The following ANKS1B variants were observed in gnomAD, a reference collection of about 807,000 sequenced individuals.
The protein encoded by ANKS1B is ankyrin repeat and sterile alpha motif domain-containing protein 1B.
Under a neutral mutation model 148.3 loss-of-function variants are expected in ANKS1B, and 36 were observed. That is an observed-to-expected ratio of 0.24 (90% confidence interval 0.19 to 0.32). The LOEUF (loss-of-function observed/expected upper bound fraction) is 0.32. Among genes scored for constraint, ANKS1B ranks in the 10% least tolerant of loss-of-function variants. The pLI, the probability that ANKS1B is intolerant of heterozygous loss-of-function variation, is 1.00. For missense variants in ANKS1B, 1,157 were observed against 1,542.6 expected, an observed-to-expected ratio of 0.75 and a Z score of 4.19; for synonymous variants, 542 against 560.8, an observed-to-expected ratio of 0.97 and a Z score of 0.47.
At chr12:99,526,722 G>C (rs990367182) in intron 9 of ANKS1B, among the ~76,000 whole-genome samples, 1 of 152,108 alleles carries the variant, frequency 6.6e-6, no homozygotes, top group Non-Finnish European at 1.5e-5. Flanking sequence ...CAACAACAAA[G>C]TTCTGAGAAA....
At chr12:99,915,024 A>G (rs2094127985) in intron 1 of ANKS1B, among the ~76,000 whole-genome samples, 5 of 151,958 alleles carry the variant, frequency 3.3e-5, no homozygotes, top group Admixed American at 3.3e-4. Flanking sequence ...TCAGGAGTTC[A>G]AGACCAACTT....
intron 1 of ANKS1B, among the ~76,000 whole-genome samples, chr12:99,829,897 CAAAG>C (rs2083717428): frequency 1.3e-5 from 2 of 151,982 alleles, no homozygotes; most frequent in Non-Finnish European, 2.9e-5. Context: ...AAAAAAAAGA[CAAAG>C]AAATAACTGA....
chr12:99,670,872 A>G (rs1021174270), intron 8 of ANKS1B, among the ~76,000 whole-genome samples: 8 of 152,140 alleles, frequency 5.3e-5, no homozygotes, highest in Admixed American at 3.3e-4. Flanking sequence ...CAAATGAGCT[A>G]TTAGGAAAGG....
intron 10 of ANKS1B, among the ~76,000 whole-genome samples, chr12:99,464,929 G>A (rs960927416): frequency 2.0e-5 from 3 of 152,108 alleles, no homozygotes; most frequent in African/African-American, 7.2e-5. Flanking sequence ...TCAGATTCAG[G>A]AAATACAGAG....
chr12:99,400,902 C>T (rs1413117316), intron 11 of ANKS1B, among the ~76,000 whole-genome samples: 2 of 144,980 alleles, frequency 1.4e-5, no homozygotes, highest in Non-Finnish European at 3.0e-5. Context: ...GCTGTCTCTT[C>T]CAGCTTATCA....
At chr12:99,333,662 C>G (rs1350152356) in intron 12 of ANKS1B, among the ~76,000 whole-genome samples, 1 of 151,908 alleles carries the variant, frequency 6.6e-6, no homozygotes, top group Admixed American at 6.6e-5. Context: ...CTCTATTTGC[C>G]TCTTTGGTTG....
intron 12 of ANKS1B, 131 bp from the exon 13 acceptor site, chr12:99,246,995 A>G: frequency 1.9e-5 from 14 of 720,802 alleles, no homozygotes; most frequent in Non-Finnish European, 6.9e-6. Flanking sequence ...CCTTCACTTT[A>G]TGAAATACCC....
chr12:98,817,823 G>T (rs1019420400), intron 19 of ANKS1B, among the ~76,000 whole-genome samples: 3 of 152,086 alleles, frequency 2.0e-5, no homozygotes, highest in African/African-American at 7.2e-5. Flanking sequence ...CTTTCTGAAG[G>T]GCAATCCTTC....
At chr12:99,731,748 A>G (rs1432486568) in intron 8 of ANKS1B, among the ~76,000 whole-genome samples, 2 of 152,190 alleles carry the variant, frequency 1.3e-5, no homozygotes, top group Non-Finnish European at 2.9e-5. Context: ...ATTTTGGGAT[A>G]GGCAAAGATA....
At chr12:99,810,913 C>G (rs939075874) in intron 3 of ANKS1B, among the ~76,000 whole-genome samples, 1 of 151,840 alleles carries the variant, frequency 6.6e-6, no homozygotes, top group Non-Finnish European at 1.5e-5. Context: ...CATAAATGAT[C>G]TAACTGTTGG....
chr12:99,001,372 T>A (rs2099932918), intron 17 of ANKS1B, among the ~76,000 whole-genome samples: 1 of 152,104 alleles, frequency 6.6e-6, no homozygotes, highest in Non-Finnish European at 1.5e-5. Flanking sequence ...GAAGCGATCC[T>A]CCTGTCTCAG....
At chr12:99,697,313 C>G (rs1184969980) in intron 8 of ANKS1B, among the ~76,000 whole-genome samples, 2 of 152,074 alleles carry the variant, frequency 1.3e-5, no homozygotes, top group African/African-American at 4.8e-5. Flanking sequence ...TTCATAATTA[C>G]CCAAACTTGG....
At chr12:98,950,663 A>G (rs1031369769) in intron 17 of ANKS1B, among the ~76,000 whole-genome samples, 6 of 152,186 alleles carry the variant, frequency 3.9e-5, no homozygotes, top group Non-Finnish European at 8.8e-5. Context: ...TTTACCAATG[A>G]AAATAACCCC....
rs12581942 is a variant in ANKS1B, at chr12:99,523,357, G to T, written c.1273-18716C>A. ...ACAAACATTTAAAAGGTAAAATAGT[G>T]ATTAGAATTGTTATCTATCTCTAAG... On this transcript the variant is annotated intron_variant, in intron 9 of 26. Coordinates refer to ENST00000683438, the MANE Select transcript of ANKS1B (RefSeq NM_001352186.2). Among the ~76,000 whole-genome samples the T allele has an allele frequency of 1.2e-3, 188 of 152,282 alleles. 6 individuals carry two copies. The East Asian group carries it at 0.035, about 28-fold the overall frequency.
At chr12:98,839,124 G>A (rs74800059) in intron 17 of ANKS1B, among the ~76,000 whole-genome samples, 5,339 of 152,164 alleles carry the variant, frequency 0.035, 293 homozygotes, top group African/African-American at 0.12. Flanking sequence ...CATGACATTT[G>A]GTTCTTCTCT....
At chr12:99,787,290 T>TA (rs2065109496) in intron 4 of ANKS1B, among the ~76,000 whole-genome samples, 1 of 152,172 alleles carries the variant, frequency 6.6e-6, no homozygotes, top group South Asian at 2.1e-4. Context: ...TCACAAGATC[T>TA]AATGGTTTTA....
intron 1 of ANKS1B, among the ~76,000 whole-genome samples, chr12:99,946,289 G>C (rs916047785): frequency 2.0e-5 from 3 of 152,152 alleles, no homozygotes; most frequent in African/African-American, 7.2e-5. Flanking sequence ...TATCAGATAT[G>C]TAAGCCTTGC....
At chr12:99,937,378 A>G (rs1455126888) in intron 1 of ANKS1B, among the ~76,000 whole-genome samples, 3 of 152,222 alleles carry the variant, frequency 2.0e-5, no homozygotes, top group South Asian at 2.1e-4. Flanking sequence ...TACATGGTCA[A>G]TAAGTATACA....
chr12:99,475,620 T>C (rs987988320), intron 10 of ANKS1B, among the ~76,000 whole-genome samples: 2 of 151,742 alleles, frequency 1.3e-5, no homozygotes, highest in African/African-American at 4.8e-5. Context: ...TTTTTTTGGA[T>C]GTAGTTCTTT....
Sources: allele counts gnomAD v4.1 joint callset (sites outside exome capture counted in the v4.1 genomes callset), GRCh38; gene constraint gnomAD v4.1.1; transcripts MANE v1.5; gene names NCBI Gene and HGNC (gene_info 2026-07-23, HGNC 2026-07-21).